Variants in H1-8 observed in about 807,000 individuals in gnomAD.
The protein encoded by H1-8 is histone H1.8.
Under a neutral mutation model 19.5 loss-of-function variants are expected in H1-8, and 13 were observed. The observed-to-expected ratio is 0.67, with a 90% CI of 0.43 to 1.06. The LOEUF is 1.06. H1-8 is among the 50% of genes least tolerant of loss of function. The pLI, the probability that H1-8 is intolerant of heterozygous loss-of-function variation, is 0.00. For synonymous variants in H1-8, 193 were observed against 187.6 expected, an observed-to-expected ratio of 1.03 and a Z score of -0.24; for missense variants, 432 against 459.8, an observed-to-expected ratio of 0.94 and a Z score of 0.55.
intron 1 of H1-8, among the ~76,000 whole-genome samples, chr3:129,544,331 G>A (rs140568866): frequency 1.8e-3 from 270 of 152,170 alleles, no homozygotes; most frequent in Non-Finnish European, 2.7e-3. Flanking sequence ...AGGGAGGTGA[G>A]GGGTGTGAGA....
intron 1 of H1-8, among the ~76,000 whole-genome samples, chr3:129,544,348 G>A (rs552264039): frequency 3.3e-5 from 5 of 152,134 alleles, no homozygotes; most frequent in Middle Eastern, 3.4e-3. Context: ...GAGATACAGC[G>A]AGGAGAATGC....
At chr3:129,548,669 G>A (rs2108755528) in intron 2 of H1-8, among the ~76,000 whole-genome samples, 1 of 152,290 alleles carries the variant, frequency 6.6e-6, no homozygotes, top group Admixed American at 6.5e-5. Context: ...TCTGACCTCA[G>A]CCCATGTTCT....
At chr3:129,550,859 C>T in intron 4 of H1-8, 50 bp downstream of exon 4, 3 of 1,519,880 alleles carry the variant, frequency 2.0e-6, no homozygotes, top group Non-Finnish European at 2.7e-6. Flanking sequence ...CTGAACAGGC[C>T]AGAGCTTGGG....
chr3:129,549,284 C>A lies in H1-8; in HGVS notation c.662C>A (p.Pro221Gln). ...SGEARKVPPK[P>Q]DKAMRAPSSA... ...GAGGCTAGGAAGGTGCCCCCCAAGC[C>A]AGACAAGGCCATGCGGGCACCTTCC... is the stretch of plus-strand genomic sequence containing the variant. The change falls in exon 3 of 5, where the codon CCA becomes CAA. Residue 221 changes from proline to glutamine, a missense_variant. Transcript: ENST00000324382. 6.3e-7 allele frequency: 1 copy of A among 1,585,718 alleles called. No homozygotes were observed. The highest frequency in any genetic ancestry group is 1.3e-5 in the African/African-American group (1 of 74,878).
rs543890979 is a variant in H1-8 at position 129,550,888 on chromosome 3, C to T, written c.807+79C>T. 56 of 1,310,142 alleles carry T rather than the reference C, an allele frequency of 4.3e-5. No individual in the cohort carries two copies. The East Asian group carries it at 4.7e-4, about 11-fold the overall frequency. The allele number at this position is 1,310,142 out of a possible 1,614,324, so 81.2% of individuals were successfully genotyped here. ...GCTTGGGCATCCCACACTCAGCCCC[C>T]GGAAGGGTCATCCAGGGATGGGGCT... On this transcript the variant is annotated intron_variant, in intron 4 of 4. Coordinates refer to ENST00000324382, the MANE Select transcript of H1-8 (RefSeq NM_153833.3).
chr3:129,546,110 AAATAAC>A (rs201900180), intron 1 of H1-8, among the ~76,000 whole-genome samples: 6 of 129,634 alleles, frequency 4.6e-5, no homozygotes, highest in East Asian at 2.3e-4. Context: ...GACCTGTGTC[AAATAAC>A]AATAACAATA....
intron 4 of H1-8, 75 bp downstream of exon 4, chr3:129,550,884 C>A: frequency 7.4e-7 from 1 of 1,347,068 alleles, no homozygotes; most frequent in Non-Finnish European, 1.0e-6. Context: ...CCACACTCAG[C>A]CCCCGGAAGG....
intron 1 of H1-8, among the ~76,000 whole-genome samples, chr3:129,545,732 G>T (rs1002688853): frequency 1.3e-5 from 2 of 152,060 alleles, no homozygotes; most frequent in African/African-American, 4.8e-5. Context: ...ATGTTTCAGG[G>T]CTCCTCCATG....
Position 129,547,563 on chromosome 3 carries a change from A to G in H1-8, c.261A>G (p.Thr87=). 6.4e-7 allele frequency: 1 copy of G among 1,572,978 alleles called. No individual in the cohort carries two copies. The highest frequency in any genetic ancestry group is 1.3e-5 in the African/African-American group (1 of 74,110). Residue 87 remains threonine, a synonymous_variant, in exon 2 of 5, where the codon ACA becomes ACG. Transcript: ENST00000324382. ...IKLYILHKYP[T]VDVLRFKYLL... is the part of the protein sequence containing the mutation. ...TCTACATCCTGCACAAGTACCCAAC[A>G]GTGGACGTCCTCCGCTTCAAGTACC...
In H1-8 at chr3:129,543,201, G is replaced by A; in HGVS notation, c.-18G>A. On this transcript the variant is annotated 5_prime_UTR_variant, in exon 1 of 5. Transcript: ENST00000324382. ...TCACACCCGGGTGAGGGGTCTGCTG[G>A]CTGCACCTGTCGGTCTCATGGCTCC... The A allele has an allele frequency of 5.0e-6, 8 of 1,604,376 alleles. No individual in the cohort carries two copies. The highest frequency in any genetic ancestry group is 6.8e-6 in the Non-Finnish European group (8 of 1,173,592).
At position 129,550,799 on chromosome 3, in the gene H1-8, C is replaced by G; in HGVS notation, c.797C>G (p.Thr266Arg). The change falls in exon 4 of 5, where the codon ACG becomes AGG. Residue 266 changes from threonine to arginine, a missense_variant. By Grantham distance (71) the Thr-to-Arg change is moderately conservative. Transcript: ENST00000324382. ...TKAESKSSKP[T>R]ASKVKNGAAS... ...GCTGAGAGTAAGAGTTCAAAACCCACGGCCAGCAAGGTAGGTGCCTGCATG... is the reference window on the plus strand; with the variant it reads ...GCTGAGAGTAAGAGTTCAAAACCCAGGGCCAGCAAGGTAGGTGCCTGCATG... 1 of 1,613,300 alleles carries G rather than the reference C, an allele frequency of 6.2e-7. No individual in the cohort carries two copies. Among genetic ancestry groups the G allele is most frequent in the Non-Finnish European group, 8.5e-7 (1 of 1,179,502 alleles).
Position 129,547,654 on chromosome 3 carries a change from G to T in H1-8, c.352G>T (p.Ala118Ser). ...CCTCGCCAGGCCCCTCAACTCCAAA[G>T]CCAGGGGGGCCACTGGCAGCTTCAA... ...GLLARPLNSK[A>S]RGATGSFKLV... The change falls in exon 2 of 5, where the codon GCC becomes TCC. Residue 118 changes from alanine (A) to serine (S), a missense_variant. Ala to Ser is a moderately conservative substitution (Grantham distance 99). Coordinates refer to ENST00000324382, the MANE Select transcript of H1-8 (RefSeq NM_153833.3). 1.3e-6 allele frequency: 2 copies of T among 1,544,346 alleles called. No homozygotes were observed. The highest frequency in any genetic ancestry group is 2.7e-5 in the African/African-American group (2 of 72,976).
chr3:129,550,230 C>G (rs547217266), intron 3 of H1-8, among the ~76,000 whole-genome samples: 3 of 152,022 alleles, frequency 2.0e-5, no homozygotes, highest in Non-Finnish European at 4.4e-5. Flanking sequence ...TACTAGGATC[C>G]CATCTCTGCA....
rs755175764 is a variant in H1-8, at chr3:129,547,508, G to T, written c.206G>T (p.Arg69Leu). ...VLEALQAGEQ[R>L]RGTSVAAIKL... is the part of the protein sequence containing the mutation. ...GAGGCGCTGCAGGCTGGGGAGCAGC[G>T]CCGGGGCACGTCGGTGGCAGCTATC... The change falls in exon 2 of 5, where the codon CGC becomes CTC. Residue 69 changes from arginine (R) to leucine (L), a missense_variant. Transcript: ENST00000324382. The T allele has an allele frequency of 6.4e-7, 1 of 1,568,684 alleles. No individual in the cohort carries two copies. The highest frequency in any genetic ancestry group is 8.6e-7 in the Non-Finnish European group (1 of 1,157,320).
intron 2 of H1-8, 75 bp from the exon 3 acceptor site, chr3:129,548,926 C>T (rs901395066): frequency 4.8e-5 from 72 of 1,515,504 alleles, no homozygotes; most frequent in Non-Finnish European, 5.9e-5. Flanking sequence ...GCCTCCCATT[C>T]GGAGTCTTAC....
At position 129,549,452 on chromosome 3, in the gene H1-8, G is replaced by T. The variant is rs947678508; in HGVS notation, c.742+88G>T. The T allele has an allele frequency of 1.5e-5, 22 of 1,443,752 alleles. 1 individual carries two copies. Among genetic ancestry groups the T allele is most frequent in the East Asian group, 9.2e-5 (4 of 43,488 alleles). The allele number at this position is 1,443,752 out of a possible 1,614,324, so 89.4% of individuals were successfully genotyped here. A position where few individuals can be genotyped will look rare whatever the true frequency, so the allele number is the denominator to read the frequency against. ...GGCGGGGAGCCAGCTCTGGAGAGGG[G>T]TTTCCTTATCTAGTGCATGTGTCCT... On this transcript the variant is annotated intron_variant, in intron 3 of 4. Coordinates refer to ENST00000324382, the MANE Select transcript of H1-8 (RefSeq NM_153833.3).
At chr3:129,547,709 C>G (rs769465732) in intron 2 of H1-8, 29 bp downstream of exon 2, 2 of 1,516,290 alleles carry the variant, frequency 1.3e-6, no homozygotes, top group East Asian at 4.9e-5. Context: ...GGACATAGCC[C>G]AGGGTTGGAG....
At chr3:129,550,135 T>TC (rs2084922935) in intron 3 of H1-8, among the ~76,000 whole-genome samples, 1 of 152,176 alleles carries the variant, frequency 6.6e-6, no homozygotes, top group Non-Finnish European at 1.5e-5. Flanking sequence ...TTATTTTTTT[T>TC]CCTCTCTCTC....
chr3:129,551,086 T>C, intron 4 of H1-8, 21 bp from the exon 5 acceptor site: 1 of 1,601,204 alleles, frequency 6.2e-7, no homozygotes, highest in Admixed American at 1.7e-5. Context: ...GTCTCTTTGC[T>C]CCTGGTTTGC....
Sources: allele counts gnomAD v4.1 joint callset (sites outside exome capture counted in the v4.1 genomes callset), GRCh38; gene constraint gnomAD v4.1.1; transcripts MANE v1.5; gene names NCBI Gene and HGNC (gene_info 2026-07-23, HGNC 2026-07-21).